Variants in LAMP1 observed in about 807,000 individuals in gnomAD.
LAMP1 encodes the protein lysosome associated membrane protein 1.
LAMP1 carries 7 observed loss-of-function variants against 37.5 expected under a neutral mutation model. The ratio of observed to expected loss-of-function variants is 0.19; its 90% CI spans 0.11 to 0.35. The LOEUF (loss-of-function observed/expected upper bound fraction) is 0.35, where lower values mean the gene tolerates loss of function less well. Among genes scored for constraint, LAMP1 ranks in the 10% least tolerant of loss-of-function variants. The probability of loss-of-function intolerance (pLI) is 1.00; values close to 1 mark genes in which losing one functional copy is unlikely to be tolerated. For missense variants in LAMP1, 537 were observed against 552.8 expected (o/e 0.97, Z 0.29); for synonymous variants, 236 against 229.1 (o/e 1.03, Z -0.27).
rs61750829 is a variant in LAMP1, at chr13:113,309,688, C to T, written c.229C>T (p.Arg77Cys). 462 of 1,613,994 alleles carry T rather than the reference C, an allele frequency of 2.9e-4. 3 individuals carry two copies. The highest frequency in any genetic ancestry group is 1.6e-4 in the Middle Eastern group (1 of 6,084). Residue 77 changes from arginine (R) to cysteine (C), a missense_variant, in exon 3 of 9, where the codon CGC (arginine) becomes TGC (cysteine). By Grantham distance (180) the Arg-to-Cys change is radical. Coordinates refer to ENST00000332556, the MANE Select transcript of LAMP1 (RefSeq NM_005561.4). ...ATCAGATGCCACAGTGGTGCTCAAC[C>T]GCAGCTCCTGTGGAAAAGAGAACAC... ...LPSDATVVLN[R>C]SSCGKENTSD...
intron 4 of LAMP1, among the ~76,000 whole-genome samples, chr13:113,316,200 C>G (rs1238320050): frequency 6.6e-6 from 1 of 152,168 alleles, no homozygotes; most frequent in Non-Finnish European, 1.5e-5. Context: ...CCATCCAAAC[C>G]GGATTTCCAG....
chr13:113,320,653 G>A lies in LAMP1; in HGVS notation c.876+183G>A. 2.2e-5 allele frequency: 14 copies of A among 624,428 alleles called. No individual in the cohort carries two copies. The South Asian group carries it at 2.8e-4, about 13-fold the overall frequency. The allele number at this position is 624,428 out of a possible 1,614,324, so 38.7% of individuals were successfully genotyped here. On this transcript the variant is annotated intron_variant, in intron 6 of 8. Coordinates refer to ENST00000332556, the MANE Select transcript of LAMP1 (RefSeq NM_005561.4). This position sits in a 1 kb window ranked among gnomAD's most constrained non-coding sequence, Gnocchi z 4.4. ...CTCCCCCCTTTCCATTCCATTCATAGATGCAGCAGATGATGTGGGCGGGGC... is the reference window on the plus strand; with the variant it reads ...CTCCCCCCTTTCCATTCCATTCATAAATGCAGCAGATGATGTGGGCGGGGC...
At chr13:113,312,778 C>T (rs904060286) in intron 4 of LAMP1, among the ~76,000 whole-genome samples, 1 of 152,132 alleles carries the variant, frequency 6.6e-6, no homozygotes, top group Non-Finnish European at 1.5e-5. Context: ...TGTCTGAGGA[C>T]GGACGCCTGG....
chr13:113,309,568 T>TA (rs564970445), intron 2 of LAMP1, 75 bp from the exon 3 acceptor site: 5 of 1,137,406 alleles, frequency 4.4e-6, no homozygotes, highest in South Asian at 4.3e-5. Context: ...ATATCAGACT[T>TA]ACAGAAAATC....
intron 5 of LAMP1, 87 bp downstream of exon 5, chr13:113,319,743 G>A: frequency 8.0e-7 from 1 of 1,256,704 alleles, no homozygotes. Flanking sequence ...ACGCGTCTCT[G>A]CACGTCATGC....
chr13:113,306,400 A>G, intron 1 of LAMP1, 85 bp from the exon 2 acceptor site: 2 of 1,387,858 alleles, frequency 1.4e-6, no homozygotes, highest in Non-Finnish European at 2.0e-6. Context: ...AAAAGCCATC[A>G]CTGCTACAGC....
chr13:113,317,110 G>C (rs1435962058), intron 4 of LAMP1, among the ~76,000 whole-genome samples: 2 of 152,166 alleles, frequency 1.3e-5, no homozygotes, highest in Non-Finnish European at 2.9e-5. Context: ...ATCTGCTGTT[G>C]CCGGGAGAGG....
chr13:113,298,569 C>A (rs1288022428), intron 1 of LAMP1, among the ~76,000 whole-genome samples: 1 of 152,172 alleles, frequency 6.6e-6, no homozygotes, highest in Non-Finnish European at 1.5e-5. Flanking sequence ...TCAGTCCCAT[C>A]CAGCTGTAAA....
Position 113,319,646 on chromosome 13 carries a change from A to G in LAMP1, c.740A>G (p.Lys247Arg), listed in dbSNP as rs1289839867. Reference sequence around the variant, plus strand: ...CAGCTGAACCTCACCTATGAGAGGAAGGACAACACGGTAGGGCTGGGGCCT... The same window carrying G: ...CAGCTGAACCTCACCTATGAGAGGAGGGACAACACGGTAGGGCTGGGGCCT... ...GLQLNLTYER[K>R]DNTTVTRLLN... is the part of the protein sequence containing the mutation. The change falls in exon 5 of 9, where the codon AAG (lysine) becomes AGG (arginine). Residue 247 changes from lysine to arginine, a missense_variant. Lys to Arg is a conservative substitution (Grantham distance 26, BLOSUM62 2). Transcript: ENST00000332556. The G allele has an allele frequency of 1.2e-6, 2 of 1,613,430 alleles. No individual in the cohort carries two copies. The highest frequency in any genetic ancestry group is 2.2e-5 in the South Asian group (2 of 91,048).
rs113074181 is a variant in LAMP1 at position 113,310,567 on chromosome 13, G to A, written c.404-142G>A. 5.1e-3 allele frequency: 3,870 copies of A among 762,566 alleles called. 20 individuals carry two copies. Among genetic ancestry groups the A allele is most frequent in the South Asian group, 8.4e-3 (426 of 50,512 alleles). 47.2% of individuals were successfully genotyped at this position (762,566 alleles called of 1,614,324 possible). ...ACATAAAGTAAACTAAGTACTATAA[G>A]TAGTTTGCAATTGTGATTTTTTTTT... is the stretch of plus-strand genomic sequence containing the variant. On this transcript the variant is annotated intron_variant, in intron 3 of 8. Coordinates refer to ENST00000332556, the MANE Select transcript of LAMP1 (RefSeq NM_005561.4).
At chr13:113,319,034 C>T (rs1047732388) in intron 4 of LAMP1, among the ~76,000 whole-genome samples, 6 of 152,240 alleles carry the variant, frequency 3.9e-5, no homozygotes, top group African/African-American at 7.2e-5. Context: ...GTGTCTGAGT[C>T]GTCACCATTT....
intron 5 of LAMP1, 137 bp downstream of exon 5, chr13:113,319,793 C>G (rs555739480): frequency 6.3e-6 from 5 of 793,190 alleles, no homozygotes; most frequent in South Asian, 3.6e-5. Context: ...AGGACGTGAC[C>G]CTAGAGGACA....
Position 113,297,581 on chromosome 13 carries a change from C to G in LAMP1, c.61+86C>G. 2.6e-6 allele frequency: 3 copies of G among 1,163,950 alleles called. No individual in the cohort carries two copies. Among genetic ancestry groups the G allele is most frequent in the Non-Finnish European group, 3.2e-6 (3 of 936,640 alleles). The allele number at this position is 1,163,950 out of a possible 1,614,324, so 72.1% of individuals were successfully genotyped here. ...TCTTGAGGGCGGGGGACTGCCGGGT[C>G]GTTGTCCCGCGGGTCGCCCCGCACC... On this transcript the variant is annotated intron_variant, in intron 1 of 8. Coordinates refer to ENST00000332556, the MANE Select transcript of LAMP1 (RefSeq NM_005561.4). This position sits in a 1 kb window ranked among gnomAD's most constrained non-coding sequence, Gnocchi z 4.4.
chr13:113,308,891 C>T (rs541706678), intron 2 of LAMP1, among the ~76,000 whole-genome samples: 14 of 152,158 alleles, frequency 9.2e-5, no homozygotes, highest in Middle Eastern at 3.4e-3. Context: ...TCCAGTTGCT[C>T]GTTTTGCTTA....
Position 113,320,594 on chromosome 13 carries a change from C to T in LAMP1, c.876+124C>T. The stretch of plus-strand genomic sequence containing the variant: ...GGCGGCCTCACTTTTTTCTGCCTTC[C>T]CTTTATCCTGGGCTTTTTAGTTCCT... On this transcript the variant is annotated intron_variant, in intron 6 of 8. Transcript: ENST00000332556. This position sits in a 1 kb window ranked among gnomAD's most constrained non-coding sequence, Gnocchi z 4.4. 2 of 1,009,140 alleles carry T rather than the reference C, an allele frequency of 2.0e-6. No individual in the cohort carries two copies. Among genetic ancestry groups the T allele is most frequent in the East Asian group, 2.6e-5 (1 of 38,386 alleles). The allele number at this position is 1,009,140 out of a possible 1,614,324, so 62.5% of individuals were successfully genotyped here. A position where few individuals can be genotyped will look rare whatever the true frequency, so the allele number is the denominator to read the frequency against.
In LAMP1 at chr13:113,320,634, C is replaced by G. The variant is rs561119113; in HGVS notation, c.876+164C>G. 3.0e-4 allele frequency: 203 copies of G among 675,162 alleles called. No homozygotes were observed. The highest frequency in any genetic ancestry group is 2.9e-3 in the African/African-American group (160 of 55,232). 41.8% of individuals were successfully genotyped at this position (675,162 alleles called of 1,614,324 possible). On this transcript the variant is annotated intron_variant, in intron 6 of 8. Transcript: ENST00000332556. The surrounding 1 kb of genome is among the most constrained non-coding windows in gnomAD (Gnocchi z 4.4). ...TTTTAGTTCCTTGGTTCCCCTCCCCCCTTTCCATTCCATTCATAGATGCAG... is the reference window on the plus strand; with the variant it reads ...TTTTAGTTCCTTGGTTCCCCTCCCCGCTTTCCATTCCATTCATAGATGCAG...
rs1258437041 is a variant in LAMP1 at position 113,321,129 on chromosome 13, G to A, written c.877-275G>A. ...CCAGGAGTTAAGGTTGCGATGAGCC[G>A]TGATCACTCCACTGCACTCCAGCCT... is the stretch of plus-strand genomic sequence containing the variant. On this transcript the variant is annotated intron_variant, in intron 6 of 8. Coordinates refer to ENST00000332556, the MANE Select transcript of LAMP1 (RefSeq NM_005561.4). The surrounding 1 kb of genome is among the most constrained non-coding windows in gnomAD (Gnocchi z 5.6). 1.7e-5 allele frequency: 7 copies of A among 423,340 alleles called. No individual in the cohort carries two copies. The highest frequency in any genetic ancestry group is 5.3e-5 in the East Asian group (1 of 19,018). The allele number at this position is 423,340 out of a possible 1,614,324, so 26.2% of individuals were successfully genotyped here. A position where few individuals can be genotyped will look rare whatever the true frequency, so the allele number is the denominator to read the frequency against.
intron 4 of LAMP1, among the ~76,000 whole-genome samples, chr13:113,317,459 A>G (rs765018215): frequency 1.7e-4 from 26 of 152,152 alleles, no homozygotes; most frequent in Non-Finnish European, 2.6e-4. Context: ...AGACCTGATG[A>G]TGTTTTATTT....
intron 4 of LAMP1, among the ~76,000 whole-genome samples, chr13:113,312,511 A>G (rs1458533304): frequency 6.6e-6 from 1 of 152,150 alleles, no homozygotes; most frequent in East Asian, 1.9e-4. Flanking sequence ...AGTGGGTGAA[A>G]AGGAGCCCAA....
Sources: allele counts gnomAD v4.1 joint callset (sites outside exome capture counted in the v4.1 genomes callset), GRCh38; gene constraint gnomAD v4.1.1; non-coding constraint Gnocchi (gnomAD v3.1); transcripts MANE v1.5; gene names NCBI Gene and HGNC (gene_info 2026-07-23, HGNC 2026-07-21).